Variants in DACH1 observed in about 807,000 individuals in gnomAD.
DACH1 encodes the protein dachshund family transcription factor 1.
DACH1 carries 12 observed loss-of-function variants against 54.2 expected under a neutral mutation model. The observed-to-expected ratio is 0.22, with a 90% confidence interval of 0.14 to 0.36. The LOEUF is 0.36. DACH1 is among the 10% of genes least tolerant of loss of function. The probability of loss-of-function intolerance (pLI) is 1.00; values close to 1 mark genes in which losing one functional copy is unlikely to be tolerated. For missense variants in DACH1, 805 were observed against 929.8 expected (o/e 0.87, Z 1.75); for synonymous variants, 386 against 366.2 (o/e 1.05, Z -0.62).
At chr13:71,530,514 G>C (rs1049454010) in intron 6 of DACH1, among the ~76,000 whole-genome samples, 2 of 151,958 alleles carry the variant, frequency 1.3e-5, no homozygotes, top group Non-Finnish European at 2.9e-5. Flanking sequence ...TTTAGAAAAG[G>C]AAAAAGGGTT....
intron 6 of DACH1, among the ~76,000 whole-genome samples, chr13:71,503,744 A>T (rs1207436684): frequency 6.6e-6 from 1 of 152,216 alleles, no homozygotes; most frequent in African/African-American, 2.4e-5. Flanking sequence ...AATGTTCATA[A>T]GCTTCTTGTC....
intron 6 of DACH1, among the ~76,000 whole-genome samples, chr13:71,496,306 T>C (rs7337989): frequency 0.53 from 24,296 of 46,034 alleles, 7,614 homozygotes; most frequent in Non-Finnish European, 0.65. Context: ...TATATATATA[T>C]ACACACACAA....
At chr13:71,497,352 A>AC (rs1879521373) in intron 6 of DACH1, among the ~76,000 whole-genome samples, 1 of 150,054 alleles carries the variant, frequency 6.7e-6, no homozygotes, top group African/African-American at 2.5e-5. Context: ...TTTTTTTGAG[A>AC]CTGAGTTTCG....
intron 1 of DACH1, among the ~76,000 whole-genome samples, chr13:71,695,878 G>T (rs997874740): frequency 6.6e-6 from 1 of 152,154 alleles, no homozygotes; most frequent in African/African-American, 2.4e-5. Context: ...ACTGTAAAAG[G>T]CAAAGCAAAT....
chr13:71,651,718 GTATA>G (rs909847889), intron 2 of DACH1, among the ~76,000 whole-genome samples: 14 of 144,420 alleles, frequency 9.7e-5, no homozygotes, highest in South Asian at 8.6e-4. Context: ...ATATGTATAT[GTATA>G]TGTGTGTATA....
At position 71,866,526 on chromosome 13, in the gene DACH1, T is replaced by TGCAGCC; in HGVS notation, c.243_244insGGCTGC (p.Gly81_Ser82insGlyCys). The TGCAGCC allele has an allele frequency of 1.6e-6, 2 of 1,233,676 alleles. No individual in the cohort carries two copies. Among genetic ancestry groups the TGCAGCC allele is most frequent in the Non-Finnish European group, 2.0e-6 (2 of 992,452 alleles). 76.4% of individuals were successfully genotyped at this position (1,233,676 alleles called of 1,614,324 possible). A position where few individuals can be genotyped will look rare whatever the true frequency, so the allele number is the denominator to read the frequency against. On this transcript the variant is annotated inframe_insertion, in exon 1 of 11. Transcript: ENST00000613252. ...CCGCTGCTGCCGCCGCCGCCTCCGC[T>TGCAGCC]GCCGCCGCCGCCGCCGCCGCCGCCG...
intron 1 of DACH1, among the ~76,000 whole-genome samples, chr13:71,809,166 T>C (rs1887618160): frequency 6.6e-6 from 1 of 152,126 alleles, no homozygotes; most frequent in Middle Eastern, 3.2e-3. Context: ...ATTTATAACA[T>C]ACCTCAAACA....
At chr13:71,748,876 T>TC (rs1884748556) in intron 1 of DACH1, among the ~76,000 whole-genome samples, 1 of 15,344 alleles carries the variant, frequency 6.5e-5, no homozygotes, top group African/African-American at 1.1e-4. Flanking sequence ...CTTTCTTTCT[T>TC]TCTTTCTTTC....
chr13:71,866,364 C>A lies in DACH1; in HGVS notation c.406G>T (p.Ala136Ser), dbSNP rs992608837. ...CTGCTGCTGCTGCTGCCGGTGCTGG[C>A]GTTGATGGGGGTGCTGGAAGCGACG... is the stretch of plus-strand genomic sequence containing the variant. ...GGVASSTPIN[A>S]STGSSSSSSS... The change falls in exon 1 of 11, where the codon GCC (alanine) becomes TCC (serine). Residue 136 changes from alanine to serine, a missense_variant. Transcript: ENST00000613252. 1.3e-6 allele frequency: 2 copies of A among 1,516,484 alleles called. No homozygotes were observed. Among genetic ancestry groups the A allele is most frequent in the Non-Finnish European group, 1.8e-6 (2 of 1,129,456 alleles). The allele number at this position is 1,516,484 out of a possible 1,614,324, so 93.9% of individuals were successfully genotyped here. A position where few individuals can be genotyped will look rare whatever the true frequency, so the allele number is the denominator to read the frequency against.
chr13:71,481,513 T>A (rs1878027151), intron 7 of DACH1, among the ~76,000 whole-genome samples: 1 of 152,240 alleles, frequency 6.6e-6, no homozygotes, highest in African/African-American at 2.4e-5. Flanking sequence ...ATGTGACTAA[T>A]GGTAATACAT....
chr13:71,787,596 G>A (rs1268034675), intron 1 of DACH1, among the ~76,000 whole-genome samples: 1 of 151,996 alleles, frequency 6.6e-6, no homozygotes, highest in Non-Finnish European at 1.5e-5. Context: ...TCTTTCTCCC[G>A]AGGACAGTAA....
chr13:71,748,000 T>C (rs1884675741), intron 1 of DACH1, among the ~76,000 whole-genome samples: 1 of 152,104 alleles, frequency 6.6e-6, no homozygotes, highest in Non-Finnish European at 1.5e-5. Context: ...AAAAGCAATA[T>C]GGAGAGACCT....
At chr13:71,778,399 G>A (rs1886158704) in intron 1 of DACH1, among the ~76,000 whole-genome samples, 1 of 151,920 alleles carries the variant, frequency 6.6e-6, no homozygotes. Flanking sequence ...AAATGTTAGA[G>A]GAATAAACTC....
chr13:71,808,411 A>G (rs898513962), intron 1 of DACH1, among the ~76,000 whole-genome samples: 2 of 152,042 alleles, frequency 1.3e-5, no homozygotes, highest in African/African-American at 2.4e-5. Flanking sequence ...TTTCTACTAC[A>G]CTTTTGCTAT....
chr13:71,622,933 T>A (rs992510663), intron 3 of DACH1, among the ~76,000 whole-genome samples: 1 of 151,754 alleles, frequency 6.6e-6, no homozygotes, highest in African/African-American at 2.4e-5. Context: ...GTTCTCCAAC[T>A]GTCCATATAA....
At chr13:71,689,573 T>C (rs1438287024) in intron 1 of DACH1, among the ~76,000 whole-genome samples, 2 of 152,200 alleles carry the variant, frequency 1.3e-5, no homozygotes, top group African/African-American at 4.8e-5. Flanking sequence ...TTGTGGCCTC[T>C]GACCTCAAAA....
intron 1 of DACH1, among the ~76,000 whole-genome samples, chr13:71,837,421 C>G (rs1888836634): frequency 6.6e-6 from 1 of 151,660 alleles, no homozygotes; most frequent in Non-Finnish European, 1.5e-5. Flanking sequence ...TTTTTTAACA[C>G]TCTGCTGAAG....
At chr13:71,529,521 G>A (rs1444763824) in intron 6 of DACH1, among the ~76,000 whole-genome samples, 3 of 152,074 alleles carry the variant, frequency 2.0e-5, no homozygotes, top group South Asian at 2.1e-4. Context: ...TATACAAATC[G>A]TAGATGTGGC....
chr13:71,683,520 T>C (rs1418340525), intron 1 of DACH1, among the ~76,000 whole-genome samples: 1 of 152,148 alleles, frequency 6.6e-6, no homozygotes, highest in Non-Finnish European at 1.5e-5. Context: ...GGAGCAGTGA[T>C]TGAGACTTTC....
Sources: allele counts gnomAD v4.1 joint callset (sites outside exome capture counted in the v4.1 genomes callset), GRCh38; gene constraint gnomAD v4.1.1; transcripts MANE v1.5; gene names NCBI Gene and HGNC (gene_info 2026-07-23, HGNC 2026-07-21).